Variants in ARHGAP24 observed in about 807,000 individuals in gnomAD.
ARHGAP24 encodes the protein rho GTPase-activating protein 24.
In ARHGAP24, 50 loss-of-function variants were observed where a neutral mutation model predicts 76.4. That is an observed-to-expected ratio of 0.65 (90% confidence interval 0.52 to 0.83). ARHGAP24 has a LOEUF of 0.83. ARHGAP24 is among the 40% of genes least tolerant of loss of function. The probability of loss-of-function intolerance (pLI) is 0.00; values close to 1 mark genes in which losing one functional copy is unlikely to be tolerated. For synonymous variants in ARHGAP24, 345 were observed against 323.3 expected (o/e 1.07, Z -0.72); for missense variants, 930 against 914.2 (o/e 1.02, Z -0.22).
intron 1 of ARHGAP24, among the ~76,000 whole-genome samples, chr4:85,497,389 G>A (rs1171806408): frequency 6.6e-6 from 1 of 152,192 alleles, no homozygotes; most frequent in Non-Finnish European, 1.5e-5. Context: ...CAGAAATTTT[G>A]TAAAGATTAA....
chr4:85,997,357 A>G (rs1331291365), intron 9 of ARHGAP24, among the ~76,000 whole-genome samples: 1 of 132,484 alleles, frequency 7.5e-6, no homozygotes, highest in Non-Finnish European at 1.5e-5. Flanking sequence ...GATAGATAAT[A>G]GATAGATGAT....
intron 1 of ARHGAP24, among the ~76,000 whole-genome samples, chr4:85,564,428 A>G (rs1193454579): frequency 7.4e-6 from 1 of 135,318 alleles, no homozygotes; most frequent in Non-Finnish European, 1.6e-5. Flanking sequence ...GCATTAGGAG[A>G]TATACCTAAT....
At chr4:85,868,109 G>A (rs749581281) in intron 3 of ARHGAP24, among the ~76,000 whole-genome samples, 6 of 151,886 alleles carry the variant, frequency 4.0e-5, no homozygotes, top group Non-Finnish European at 7.4e-5. Context: ...TACCTGTGAG[G>A]TATACATTAG....
At chr4:85,594,561 G>T (rs1199145169) in intron 2 of ARHGAP24, among the ~76,000 whole-genome samples, 1 of 151,940 alleles carries the variant, frequency 6.6e-6, no homozygotes, top group Non-Finnish European at 1.5e-5. Flanking sequence ...ATACCTATCT[G>T]CCATCACAAT....
intron 3 of ARHGAP24, among the ~76,000 whole-genome samples, chr4:85,734,132 G>T (rs1005641630): frequency 6.6e-6 from 1 of 152,094 alleles, no homozygotes; most frequent in African/African-American, 2.4e-5. Flanking sequence ...TAAAAAAGCT[G>T]AGAGATTTAG....
At chr4:85,630,143 G>A (rs1291571090) in intron 2 of ARHGAP24, among the ~76,000 whole-genome samples, 1 of 151,828 alleles carries the variant, frequency 6.6e-6, no homozygotes, top group Non-Finnish European at 1.5e-5. Context: ...TCTTTTTATA[G>A]AATTTTTCAG....
chr4:85,953,749 G>T (rs1228733014), intron 5 of ARHGAP24, among the ~76,000 whole-genome samples: 1 of 152,104 alleles, frequency 6.6e-6, no homozygotes, highest in African/African-American at 2.4e-5. Flanking sequence ...CAGGCACGAG[G>T]TCAGGGCAGA....
At chr4:85,667,307 G>C (rs1411898853) in intron 2 of ARHGAP24, among the ~76,000 whole-genome samples, 1 of 152,184 alleles carries the variant, frequency 6.6e-6, no homozygotes, top group South Asian at 2.1e-4. Flanking sequence ...TGAGCCAGGT[G>C]CTGGATATAA....
intron 1 of ARHGAP24, among the ~76,000 whole-genome samples, chr4:85,476,478 ATAAATAAATCGTGCT>A (rs1309263137): frequency 1.7e-4 from 26 of 152,364 alleles, no homozygotes; most frequent in African/African-American, 6.3e-4. Context: ...TAAAAAGGAA[ATAAATAAATCGTGCT>A]GAGTATTTGG....
intron 3 of ARHGAP24, among the ~76,000 whole-genome samples, chr4:85,867,026 T>G (rs773133156): frequency 1.2e-4 from 19 of 152,122 alleles, no homozygotes; most frequent in Non-Finnish European, 2.8e-4. Flanking sequence ...TGGTTCTGTA[T>G]GTACTCTATA....
In ARHGAP24 at chr4:85,811,728, A is replaced by G. The variant is rs562710003; in HGVS notation, c.268+89756A>G. 3.9e-5 allele frequency among the ~76,000 whole-genome samples: 6 copies of G among 152,374 alleles called. No individual in the cohort carries two copies. In the South Asian group the frequency reaches 8.3e-4, roughly 21 times the overall value. On this transcript the variant is annotated intron_variant, in intron 3 of 9. Transcript: ENST00000395184. ...TTATTATGTGGATAAGTTCACAATC[A>G]TCAGGAAGATGCAGAGAAAAATCAA... is the stretch of plus-strand genomic sequence containing the variant.
chr4:85,856,815 T>C lies in ARHGAP24; in HGVS notation c.269-66833T>C, dbSNP rs1731602495. On this transcript the variant is annotated intron_variant, in intron 3 of 9. Coordinates refer to ENST00000395184, the MANE Select transcript of ARHGAP24 (RefSeq NM_001025616.3). ...AGTGAAAGGACCCTTCTAGTTTTTCTATCAAAACCTATCCTTAGTGGTAAG... is the reference window on the plus strand; with the variant it reads ...AGTGAAAGGACCCTTCTAGTTTTTCCATCAAAACCTATCCTTAGTGGTAAG... 2.0e-5 allele frequency among the ~76,000 whole-genome samples: 3 copies of C among 152,174 alleles called. No homozygotes were observed. The South Asian group carries it at 6.2e-4, about 32-fold the overall frequency.
chr4:85,863,934 G>A (rs1732042935), intron 3 of ARHGAP24, among the ~76,000 whole-genome samples: 1 of 152,104 alleles, frequency 6.6e-6, no homozygotes, highest in Admixed American at 6.6e-5. Flanking sequence ...TTATAGTCCA[G>A]TCTGAGGAGG....
Position 85,485,390 on chromosome 4 carries a change from T to A in ARHGAP24, c.-21+9831T>A, listed in dbSNP as rs868769788. ...AAAAAAAAAAAAATATATATATATA[T>A]ATATATATATATATATATATATATC... On this transcript the variant is annotated intron_variant, in intron 1 of 9. Transcript: ENST00000395184. Among the ~76,000 whole-genome samples the A allele has an allele frequency of 3.6e-3, 341 of 94,380 alleles. 4 individuals carry two copies. Among genetic ancestry groups the A allele is most frequent in the East Asian group, 8.8e-3 (25 of 2,834 alleles). 61.9% of individuals were successfully genotyped at this position (94,380 alleles called of 152,430 possible). A position where few individuals can be genotyped will look rare whatever the true frequency, so the allele number is the denominator to read the frequency against.
At chr4:85,571,505 TTCGTTTATATAA>T (rs1432367931) in intron 2 of ARHGAP24, among the ~76,000 whole-genome samples, 1 of 152,228 alleles carries the variant, frequency 6.6e-6, no homozygotes, top group Non-Finnish European at 1.5e-5. Context: ...ACATTTTAGA[TTCGTTTATATAA>T]ACAACCCTAA....
At chr4:85,949,638 A>G (rs1443297998) in intron 5 of ARHGAP24, among the ~76,000 whole-genome samples, 2 of 152,182 alleles carry the variant, frequency 1.3e-5, no homozygotes, top group African/African-American at 4.8e-5. Flanking sequence ...TGGAAGCTAC[A>G]AGACCTTTAA....
chr4:85,624,373 T>C (rs1720849930), intron 2 of ARHGAP24, among the ~76,000 whole-genome samples: 1 of 152,186 alleles, frequency 6.6e-6, no homozygotes, highest in African/African-American at 2.4e-5. Context: ...GTTCTGTTTA[T>C]ATGCTGGATT....
chr4:85,941,991 T>G, intron 4 of ARHGAP24, 75 bp from the exon 5 acceptor site: 1 of 1,449,442 alleles, frequency 6.9e-7, no homozygotes, highest in Non-Finnish European at 9.5e-7. Context: ...TCTGTTATAT[T>G]GAATTAAAAC....
chr4:85,545,563 C>T lies in ARHGAP24; in HGVS notation c.-20-24959C>T, dbSNP rs6531828. ...CATTTGCTGCTTTCTGCAAAGGATG[C>T]GCAAGAGACAGCTTCTGAGCCCTTT... On this transcript the variant is annotated intron_variant, in intron 1 of 9. Coordinates refer to ENST00000395184, the MANE Select transcript of ARHGAP24 (RefSeq NM_001025616.3). 3.9e-5 allele frequency among the ~76,000 whole-genome samples: 6 copies of T among 152,242 alleles called. No individual in the cohort carries two copies. In the South Asian group the frequency reaches 8.3e-4, roughly 21 times the overall value.
Sources: allele counts gnomAD v4.1 joint callset (sites outside exome capture counted in the v4.1 genomes callset), GRCh38; gene constraint gnomAD v4.1.1; transcripts MANE v1.5; gene names NCBI Gene and HGNC (gene_info 2026-07-23, HGNC 2026-07-21).